The following ME2 variants were observed in gnomAD, a reference collection of about 807,000 sequenced individuals.
ME2 encodes NAD-dependent malic enzyme, mitochondrial.
Under a neutral mutation model 73.7 loss-of-function variants are expected in ME2, and 60 were observed. The ratio of observed to expected loss-of-function variants is 0.81; its 90% CI spans 0.66 to 1.01. ME2 has a LOEUF of 1.01. ME2 is among the 50% of genes least tolerant of loss of function. The pLI is 0.00. For synonymous variants in ME2, 199 were observed against 236.9 expected, an observed-to-expected ratio of 0.84 and a Z score of 1.47; for missense variants, 594 against 705.5, an observed-to-expected ratio of 0.84 and a Z score of 1.79.
At chr18:50,889,522 A>T (rs1423247015) in intron 1 of ME2, among the ~76,000 whole-genome samples, 1 of 152,156 alleles carries the variant, frequency 6.6e-6, no homozygotes, top group Non-Finnish European at 1.5e-5. Flanking sequence ...TTTATAATAA[A>T]GGGGGATTTT....
chr18:50,948,368 A>C lies in ME2; in HGVS notation c.*1184A>C, dbSNP rs1458385749. The C allele has an allele frequency of 6.6e-6, 1 of 152,128 alleles. No homozygotes were observed. Among genetic ancestry groups the C allele is most frequent in the Non-Finnish European group, 1.5e-5 (1 of 68,030 alleles). The allele number at this position is 152,128 out of a possible 1,614,324, so 9.4% of individuals were successfully genotyped here. ...ATATTGAAGAATTCTAAAGGAAAAT[A>C]TATCTGCCTACCATGCTTGCTCTTA... On this transcript the variant is annotated 3_prime_UTR_variant, in exon 16 of 16. Transcript: ENST00000321341.
At chr18:50,891,317 C>T (rs1351571390) in intron 1 of ME2, among the ~76,000 whole-genome samples, 1 of 152,076 alleles carries the variant, frequency 6.6e-6, no homozygotes, top group African/African-American at 2.4e-5. Flanking sequence ...TCTGAACTAC[C>T]AGACTACAAG....
chr18:50,922,870 T>C (rs9947382), intron 10 of ME2, among the ~76,000 whole-genome samples: 3,064 of 152,278 alleles, frequency 0.02, 94 homozygotes, highest in African/African-American at 0.069. Flanking sequence ...GTGTCCTGCT[T>C]TACTAACCCC....
At chr18:50,913,309 T>TC (rs1917203870) in intron 4 of ME2, 4 of 163,840 alleles carry the variant, frequency 2.4e-5, no homozygotes. Context: ...GATTTTTTTT[T>TC]CTCATTTTTT....
At chr18:50,910,159 T>G (rs1370243704) in intron 3 of ME2, among the ~76,000 whole-genome samples, 2 of 148,426 alleles carry the variant, frequency 1.3e-5, no homozygotes, top group Non-Finnish European at 1.5e-5. Context: ...AAGCTAGGCT[T>G]GGTGGCTCAT....
intron 15 of ME2, among the ~76,000 whole-genome samples, chr18:50,944,959 GA>G (rs1263492468): frequency 6.6e-6 from 1 of 152,104 alleles, no homozygotes; most frequent in East Asian, 1.9e-4. Context: ...AAGGAATGAG[GA>G]AAAATGTGTT....
intron 13 of ME2, 87 bp from the exon 14 acceptor site, chr18:50,939,483 T>A: frequency 1.2e-6 from 1 of 861,734 alleles, no homozygotes; most frequent in South Asian, 1.5e-5. Context: ...TGTGGATGGA[T>A]TACCATTTAT....
chr18:50,880,965 A>G (rs757576021), intron 1 of ME2, among the ~76,000 whole-genome samples: 12 of 152,218 alleles, frequency 7.9e-5, no homozygotes, highest in Non-Finnish European at 1.3e-4. Context: ...ACAGCTATGT[A>G]TGTATAATCT....
chr18:50,884,614 G>A (rs1916410353), intron 1 of ME2, among the ~76,000 whole-genome samples: 1 of 152,148 alleles, frequency 6.6e-6, no homozygotes, highest in South Asian at 2.1e-4. Context: ...CCAAAGGGCT[G>A]GGATTACAGG....
intron 10 of ME2, 141 bp from the exon 11 acceptor site, chr18:50,923,957 G>A (rs1332351581): frequency 7.1e-6 from 4 of 566,042 alleles, no homozygotes; most frequent in African/African-American, 1.9e-5. Flanking sequence ...GAGTTGGAAG[G>A]TATGGGTTGA....
chr18:50,925,050 A>G (rs1917516501), intron 11 of ME2, among the ~76,000 whole-genome samples: 1 of 151,800 alleles, frequency 6.6e-6, no homozygotes, highest in Admixed American at 6.6e-5. Flanking sequence ...GAATTTAACT[A>G]CCTCATATAA....
At chr18:50,906,549 G>A (rs993331068) in intron 2 of ME2, among the ~76,000 whole-genome samples, 3 of 152,130 alleles carry the variant, frequency 2.0e-5, no homozygotes, top group Non-Finnish European at 4.4e-5. Flanking sequence ...CTGACCTCAG[G>A]TGATCCGCCC....
intron 1 of ME2, among the ~76,000 whole-genome samples, chr18:50,887,686 T>C (rs902284173): frequency 2.6e-5 from 4 of 152,196 alleles, no homozygotes; most frequent in Non-Finnish European, 5.9e-5. Flanking sequence ...GAAACTAGTT[T>C]TAGCTTGTAA....
At chr18:50,924,302 G>C (rs982149903) in intron 11 of ME2, 90 bp downstream of exon 11, 1 of 862,510 alleles carries the variant, frequency 1.2e-6, no homozygotes, top group Non-Finnish European at 1.8e-6. Flanking sequence ...AAATGAATTG[G>C]CAGTTTTACC....
chr18:50,940,957 T>C (rs1917935428), intron 15 of ME2, among the ~76,000 whole-genome samples: 1 of 152,172 alleles, frequency 6.6e-6, no homozygotes, highest in Non-Finnish European at 1.5e-5. Flanking sequence ...AGCTTCTTAT[T>C]GTTAGAAATA....
At chr18:50,940,416 A>C (rs767261716) in intron 15 of ME2, 30 bp downstream of exon 15, 2 of 1,287,760 alleles carry the variant, frequency 1.6e-6, no homozygotes, top group Non-Finnish European at 2.2e-6. Flanking sequence ...TCTTCACATT[A>C]ATTTTAATGA....
At chr18:50,908,283 C>T (rs1917064341) in intron 3 of ME2, 87 bp downstream of exon 3, 2 of 945,016 alleles carry the variant, frequency 2.1e-6, no homozygotes, top group Non-Finnish European at 3.1e-6. Flanking sequence ...ATGAGAAATA[C>T]ACAATCTTAT....
At chr18:50,902,928 C>G (rs1190833005) in intron 2 of ME2, among the ~76,000 whole-genome samples, 1 of 152,062 alleles carries the variant, frequency 6.6e-6, no homozygotes, top group Non-Finnish European at 1.5e-5. Flanking sequence ...CTTTACTGGC[C>G]CCCTAGCATG....
At chr18:50,944,498 C>T (rs910635656) in intron 15 of ME2, among the ~76,000 whole-genome samples, 2 of 152,176 alleles carry the variant, frequency 1.3e-5, no homozygotes, top group Non-Finnish European at 2.9e-5. Flanking sequence ...ATGAGCAGGG[C>T]TGTGTGTGCT....
Sources: allele counts gnomAD v4.1 joint callset (sites outside exome capture counted in the v4.1 genomes callset), GRCh38; gene constraint gnomAD v4.1.1; transcripts MANE v1.5; gene names NCBI Gene and HGNC (gene_info 2026-07-23, HGNC 2026-07-21).